The following KCNH8 variants were observed in gnomAD, a reference collection of about 807,000 sequenced individuals.
The protein encoded by KCNH8 is voltage-gated delayed rectifier potassium channel KCNH8.
KCNH8 carries 70 observed loss-of-function variants against 103.6 expected under a neutral mutation model. The observed-to-expected ratio is 0.68, with a 90% CI of 0.56 to 0.82. The LOEUF (loss-of-function observed/expected upper bound fraction) is 0.82. Ranked by LOEUF, KCNH8 falls within the 40% of genes least tolerant of loss-of-function variation. The pLI, the probability that KCNH8 is intolerant of heterozygous loss-of-function variation, is 0.00. For missense variants in KCNH8, 1,217 were observed against 1,329.9 expected (o/e 0.92, Z 1.32); for synonymous variants, 498 against 489.4 (o/e 1.02, Z -0.23).
chr3:19,480,871 G>C (rs541029951), intron 11 of KCNH8, among the ~76,000 whole-genome samples: 2 of 152,250 alleles, frequency 1.3e-5, no homozygotes, highest in South Asian at 2.1e-4. Flanking sequence ...CTCCCTCTCA[G>C]TTCCCACTGT....
At chr3:19,441,084 CAGT>C (rs1366748744) in intron 8 of KCNH8, among the ~76,000 whole-genome samples, 1 of 152,116 alleles carries the variant, frequency 6.6e-6, no homozygotes, top group Non-Finnish European at 1.5e-5. Flanking sequence ...GCTGTTCCCT[CAGT>C]GGAGGCGGGC....
At chr3:19,266,290 AG>A (rs2064509673) in intron 2 of KCNH8, among the ~76,000 whole-genome samples, 1 of 152,024 alleles carries the variant, frequency 6.6e-6, no homozygotes, top group African/African-American at 2.4e-5. Flanking sequence ...AGCACATCCC[AG>A]ACTTCAGCCT....
intron 7 of KCNH8, among the ~76,000 whole-genome samples, chr3:19,414,717 C>T (rs1292097830): frequency 6.6e-6 from 1 of 151,976 alleles, no homozygotes; most frequent in Non-Finnish European, 1.5e-5. Flanking sequence ...CAAACTATTG[C>T]ATGGAAGAGT....
Position 19,342,748 on chromosome 3 carries a change from T to C in KCNH8, c.570+34T>C, listed in dbSNP as rs772449092. 13 of 1,560,582 alleles carry C rather than the reference T, an allele frequency of 8.3e-6. No homozygotes were observed. In the East Asian group the frequency reaches 1.4e-4, roughly 17 times the overall value. ...TATGTGTGTACAGGATGAATGCTAGTGTTTCCCCTGGTGGCAATGTTTGAC... is the reference window on the plus strand; with the variant it reads ...TATGTGTGTACAGGATGAATGCTAGCGTTTCCCCTGGTGGCAATGTTTGAC... On this transcript the variant is annotated intron_variant, in intron 4 of 15. Transcript: ENST00000328405.
chr3:19,522,421 C>A (rs2068988212), intron 15 of KCNH8, among the ~76,000 whole-genome samples: 1 of 151,584 alleles, frequency 6.6e-6, no homozygotes, highest in South Asian at 2.1e-4. Context: ...AGGGAAAGAC[C>A]AATGTTTTAG....
At chr3:19,528,084 AAGG>A (rs2069096272) in intron 15 of KCNH8, among the ~76,000 whole-genome samples, 1 of 152,106 alleles carries the variant, frequency 6.6e-6, no homozygotes, top group South Asian at 2.1e-4. Flanking sequence ...GAAGAATAAG[AAGG>A]AGAAGGGGGA....
At chr3:19,197,159 C>T (rs1360414585) in intron 1 of KCNH8, among the ~76,000 whole-genome samples, 1 of 151,784 alleles carries the variant, frequency 6.6e-6, no homozygotes, top group South Asian at 2.1e-4. Flanking sequence ...TCTCTTTGTC[C>T]TTCCCCTCAG....
At chr3:19,214,046 T>C (rs934064832) in intron 1 of KCNH8, among the ~76,000 whole-genome samples, 5 of 152,192 alleles carry the variant, frequency 3.3e-5, no homozygotes, top group Non-Finnish European at 7.3e-5. Context: ...GTGGGATTAG[T>C]TGCTGATCAT....
intron 10 of KCNH8, among the ~76,000 whole-genome samples, chr3:19,452,807 G>A (rs2067469617): frequency 6.6e-6 from 1 of 152,114 alleles, no homozygotes; most frequent in African/African-American, 2.4e-5. Context: ...TTTTTCTAAA[G>A]TCAAAGCTAA....
chr3:19,455,556 G>T (rs1176562664), intron 10 of KCNH8, among the ~76,000 whole-genome samples: 1 of 152,042 alleles, frequency 6.6e-6, no homozygotes, highest in Admixed American at 6.6e-5. Flanking sequence ...AATCTAGACA[G>T]TAAGAAGGCC....
chr3:19,406,412 T>C (rs997143887), intron 7 of KCNH8, among the ~76,000 whole-genome samples: 14 of 152,214 alleles, frequency 9.2e-5, no homozygotes, highest in African/African-American at 3.4e-4. Context: ...GTTTCTTAAA[T>C]TGAGAGAAAC....
intron 5 of KCNH8, among the ~76,000 whole-genome samples, chr3:19,371,001 G>C (rs1250542075): frequency 1.3e-5 from 2 of 152,110 alleles, no homozygotes; most frequent in Non-Finnish European, 2.9e-5. Context: ...TCTTAATCCA[G>C]TCTATTACTG....
chr3:19,323,109 T>C (rs1230431440), intron 3 of KCNH8, among the ~76,000 whole-genome samples: 1 of 152,202 alleles, frequency 6.6e-6, no homozygotes, highest in Non-Finnish European at 1.5e-5. Flanking sequence ...TTTTTATTTA[T>C]TTAATTGGAT....
chr3:19,248,213 G>A (rs2064230946), intron 1 of KCNH8, among the ~76,000 whole-genome samples: 2 of 152,168 alleles, frequency 1.3e-5, no homozygotes, highest in Non-Finnish European at 2.9e-5. Context: ...TTGTTGGCCA[G>A]TAGAAGGATA....
At chr3:19,398,882 G>T (rs1396707822) in intron 7 of KCNH8, among the ~76,000 whole-genome samples, 1 of 151,972 alleles carries the variant, frequency 6.6e-6, no homozygotes, top group Non-Finnish European at 1.5e-5. Context: ...ATGTACGAAA[G>T]TTACTAAGAA....
In KCNH8 at chr3:19,347,721, A is replaced by C; in HGVS notation, c.571-4A>C. The C allele has an allele frequency of 6.2e-7, 1 of 1,612,410 alleles. No individual in the cohort carries two copies. Among genetic ancestry groups the C allele is most frequent in the South Asian group, 1.1e-5 (1 of 90,998 alleles). ...CTTTCTCTCCTTTTTGTCTTCATCC[A>C]CAGAATGTTTTTGTAGATAAACCAG... is the stretch of plus-strand genomic sequence containing the variant. On this transcript the variant is annotated splice_polypyrimidine_tract_variant and splice_region_variant and intron_variant, in intron 4 of 15. Transcript: ENST00000328405.
intron 2 of KCNH8, among the ~76,000 whole-genome samples, chr3:19,272,380 G>C (rs7632339): frequency 0.12 from 18,721 of 152,000 alleles, 3,618 homozygotes; most frequent in African/African-American, 0.41. Context: ...TGTCCTGTCT[G>C]TGATTACAGG....
chr3:19,209,016 A>G (rs1289896623), intron 1 of KCNH8, among the ~76,000 whole-genome samples: 2 of 151,962 alleles, frequency 1.3e-5, no homozygotes, highest in Non-Finnish European at 2.9e-5. Context: ...ATTTATGTCT[A>G]TATCTATACC....
At chr3:19,323,177 C>T (rs1254958584) in intron 3 of KCNH8, among the ~76,000 whole-genome samples, 3 of 152,110 alleles carry the variant, frequency 2.0e-5, no homozygotes, top group South Asian at 2.1e-4. Flanking sequence ...GGGCCGCACA[C>T]GGTGGCTCAC....
Sources: allele counts gnomAD v4.1 joint callset (sites outside exome capture counted in the v4.1 genomes callset), GRCh38; gene constraint gnomAD v4.1.1; transcripts MANE v1.5; gene names NCBI Gene and HGNC (gene_info 2026-07-23, HGNC 2026-07-21).